Variants in FOXRED2 observed in about 807,000 individuals in gnomAD.
The protein encoded by FOXRED2 is FAD-dependent oxidoreductase domain-containing protein 2.
In FOXRED2, 32 loss-of-function variants were observed where a neutral mutation model predicts 52.5. The ratio of observed to expected loss-of-function variants is 0.61; its 90% CI spans 0.46 to 0.82. FOXRED2 has a LOEUF of 0.82. Among genes scored for constraint, FOXRED2 ranks in the 40% least tolerant of loss-of-function variants. The pLI is 0.00. For synonymous variants in FOXRED2, 405 were observed against 398.1 expected (o/e 1.02, Z -0.21); for missense variants, 848 against 937.5 (o/e 0.90, Z 1.25).
chr22:36,498,495 A>T (rs1244419411), intron 5 of FOXRED2: 1 of 221,984 alleles, frequency 4.5e-6, no homozygotes, highest in Admixed American at 5.1e-5. Context: ...TCTCCAGGCC[A>T]GAGTCCATCT....
Position 36,496,488 on chromosome 22 carries a change from T to C in FOXRED2, c.1383-280A>G, listed in dbSNP as rs550100296. Among the ~76,000 whole-genome samples, 8 of 152,286 alleles carry C rather than the reference T, an allele frequency of 5.3e-5. No homozygotes were observed. The East Asian group carries it at 1.4e-3, about 26-fold the overall frequency. On this transcript the variant is annotated intron_variant, in intron 6 of 8. Transcript: ENST00000397224. ...AAAGCCCTGAGGAGTATGTGAGCAC[T>C]TTGTGTTCAAGGAACAGAAGAGGCC...
At position 36,501,363 on chromosome 22, in the gene FOXRED2, G is replaced by A. The variant is rs199937187; in HGVS notation, c.1094C>T (p.Pro365Leu). Residue 365 changes from proline to leucine, a missense_variant, in exon 5 of 9, where the codon CCG (proline) becomes CTG (leucine). Physicochemically the swap from Pro to Leu is moderately conservative, Grantham distance 98. Transcript: ENST00000397224. ...NSGNAFGKKY[P>L]LIRASYESKG... ...GGATTCGTAGCTAGCTCGAATCAGC[G>A]GGTACTTCTTGCCGAATGCATTTCC... 9.9e-6 allele frequency: 16 copies of A among 1,614,132 alleles called. No individual in the cohort carries two copies. The highest frequency in any genetic ancestry group is 1.6e-4 in the Middle Eastern group (1 of 6,062).
chr22:36,506,169 T>C lies in FOXRED2; in HGVS notation c.254A>G (p.Tyr85Cys). The change falls in exon 2 of 9, where the codon TAC becomes TGC. Residue 85 changes from tyrosine to cysteine, a missense_variant. By Grantham distance (194) the Tyr-to-Cys change is radical. Coordinates refer to ENST00000397224, the MANE Select transcript of FOXRED2 (RefSeq NM_001102371.2). ...GAACTCGGCGTTAGCCTTGCCCGTG[T>C]ACCGCTTGTTGATGCTGATGAGCTT... Reference protein sequence around the residue: ...HRKLISINKRYTGKANAEFNL... With the variant: ...HRKLISINKRCTGKANAEFNL... The C allele has an allele frequency of 6.2e-7, 1 of 1,614,242 alleles. No individual in the cohort carries two copies. The highest frequency in any genetic ancestry group is 8.5e-7 in the Non-Finnish European group (1 of 1,180,032).
At chr22:36,503,562 C>T (rs1934109746) in intron 4 of FOXRED2, among the ~76,000 whole-genome samples, 1 of 151,824 alleles carries the variant, frequency 6.6e-6, no homozygotes, top group South Asian at 2.1e-4. Flanking sequence ...CCACCTGTCT[C>T]GGCCTCCCTA....
intron 8 of FOXRED2, 73 bp from the exon 9 acceptor site, chr22:36,490,340 CAAT>C (rs1933724081): frequency 6.7e-7 from 1 of 1,483,534 alleles, no homozygotes; most frequent in Non-Finnish European, 9.1e-7. Flanking sequence ...GGGGAGCTGC[CAAT>C]GCCAGGTGTG....
rs758542175 is a variant in FOXRED2 at position 36,487,220 on chromosome 22, C to T, written c.*2788G>A. ...TCAGCAAGGCAATTTTACTTCTATA[C>T]AAGAGTGCGTCTCATGGATGGTGCA... On this transcript the variant is annotated 3_prime_UTR_variant, in exon 9 of 9. Coordinates refer to ENST00000397224, the MANE Select transcript of FOXRED2 (RefSeq NM_001102371.2). 4 of 152,220 alleles carry T rather than the reference C, an allele frequency of 2.6e-5. No individual in the cohort carries two copies. The highest frequency in any genetic ancestry group is 7.2e-5 in the African/African-American group (3 of 41,448). 9.4% of individuals were successfully genotyped at this position (152,220 alleles called of 1,614,324 possible). A position where few individuals can be genotyped will look rare whatever the true frequency, so the allele number is the denominator to read the frequency against.
At chr22:36,505,756 G>T in intron 2 of FOXRED2, 140 bp downstream of exon 2, 1 of 937,064 alleles carries the variant, frequency 1.1e-6, no homozygotes, top group Non-Finnish European at 1.6e-6. Context: ...GGGCGACAGA[G>T]TGAGACTCCG....
At chr22:36,490,499 GGAA>G (rs1933728558) in intron 8 of FOXRED2, among the ~76,000 whole-genome samples, 1 of 152,232 alleles carries the variant, frequency 6.6e-6, no homozygotes, top group African/African-American at 2.4e-5. Flanking sequence ...TTGACACTCT[GGAA>G]GAACAAGGCT....
chr22:36,504,809 A>G (rs1283581100), intron 2 of FOXRED2, 43 bp from the exon 3 acceptor site: 4 of 1,601,532 alleles, frequency 2.5e-6, no homozygotes, highest in East Asian at 2.2e-5. Context: ...TCTCTTAGCT[A>G]TAAGACCACT....
Position 36,487,876 on chromosome 22 carries a change from G to C in FOXRED2, c.*2132C>G, listed in dbSNP as rs1479243694. 6.6e-6 allele frequency: 1 copy of C among 152,134 alleles called. No homozygotes were observed. Among genetic ancestry groups the C allele is most frequent in the Non-Finnish European group, 1.5e-5 (1 of 68,064 alleles). 9.4% of individuals were successfully genotyped at this position (152,134 alleles called of 1,614,324 possible). A position where few individuals can be genotyped will look rare whatever the true frequency, so the allele number is the denominator to read the frequency against. On this transcript the variant is annotated 3_prime_UTR_variant, in exon 9 of 9. Transcript: ENST00000397224. Reference sequence around the variant, plus strand: ...GGAGGCCAAGACAGGTGGATCACCTGAGGTCAGGAGTTCGAGACCAGCCTG... The same window carrying C: ...GGAGGCCAAGACAGGTGGATCACCTCAGGTCAGGAGTTCGAGACCAGCCTG...
chr22:36,504,196 G>A lies in FOXRED2; in HGVS notation c.951C>T (p.Thr317=). 1.2e-6 allele frequency: 2 copies of A among 1,614,230 alleles called. No individual in the cohort carries two copies. The highest frequency in any genetic ancestry group is 1.7e-6 in the Non-Finnish European group (2 of 1,180,044). ...AGTTGTCATTGTCGTCCTGGGGGAG[G>A]GTGATGGAGTCGGCACTCTGGTTGG... is the stretch of plus-strand genomic sequence containing the variant. The part of the protein sequence containing the change: ...ANTNQSADSI[T]LPQDDNDNFA... Residue 317 remains threonine, a synonymous_variant, in exon 4 of 9, where the codon ACC becomes ACT. Transcript: ENST00000397224.
Position 36,490,013 on chromosome 22 carries a change from G to A in FOXRED2, c.2050C>T (p.Leu684Phe), listed in dbSNP as rs141987410. The change falls in exon 9 of 9, where the codon CTC (leucine) becomes TTC (phenylalanine). Residue 684 changes from leucine to phenylalanine, a missense_variant. Leu to Phe is a conservative substitution (Grantham distance 22). Transcript: ENST00000397224. ...AQSVDSNKEE[L>F] is the part of the protein sequence containing the mutation. The stretch of plus-strand genomic sequence containing the variant: ...CACAGCTTAGGAAGGGACAGTCAGA[G>A]CTCCTCTTTGTTGCTATCGACGGAC... The A allele has an allele frequency of 5.6e-4, 888 of 1,575,872 alleles. 1 individual carries two copies. Among genetic ancestry groups the A allele is most frequent in the Non-Finnish European group, 7.4e-4 (855 of 1,157,084 alleles).
In FOXRED2 at chr22:36,502,192, C is replaced by CAAACAAACAAACAAAA. The variant is rs60077224; in HGVS notation, c.1050-786_1050-785insTTTTGTTTGTTTGTTT. ...TCAAACAAACAAACAAACAAACAAA[C>CAAACAAACAAACAAAA]AATGAAGTCAGGCCAGGCACAGTGG... On this transcript the variant is annotated intron_variant, in intron 4 of 8. Coordinates refer to ENST00000397224, the MANE Select transcript of FOXRED2 (RefSeq NM_001102371.2). Among the ~76,000 whole-genome samples the CAAACAAACAAACAAAA allele has an allele frequency of 4.5e-4, 67 of 149,032 alleles. 4 individuals carry two copies. Among genetic ancestry groups the CAAACAAACAAACAAAA allele is most frequent in the African/African-American group, 1.6e-3 (64 of 40,336 alleles).
intron 5 of FOXRED2, among the ~76,000 whole-genome samples, chr22:36,499,164 G>A (rs1933980383): frequency 6.6e-6 from 1 of 152,084 alleles, no homozygotes; most frequent in South Asian, 2.1e-4. Flanking sequence ...AAGCTGATCT[G>A]CCAGCCTCAG....
intron 8 of FOXRED2, among the ~76,000 whole-genome samples, chr22:36,492,996 T>C (rs537479874): frequency 1.3e-5 from 2 of 152,340 alleles, no homozygotes; most frequent in East Asian, 1.9e-4. Flanking sequence ...TCTCCTCCTT[T>C]GGAGGGTTTT....
chr22:36,492,114 C>T (rs1218587451), intron 8 of FOXRED2, among the ~76,000 whole-genome samples: 2 of 152,098 alleles, frequency 1.3e-5, no homozygotes, highest in Non-Finnish European at 2.9e-5. Context: ...GCATGGAGGC[C>T]CCTGGGAGGC....
At chr22:36,491,849 T>C (rs559047847) in intron 8 of FOXRED2, among the ~76,000 whole-genome samples, 6 of 152,272 alleles carry the variant, frequency 3.9e-5, no homozygotes, top group Non-Finnish European at 7.4e-5. Context: ...CAAGTACTTA[T>C]AAGACTTTAA....
Position 36,505,914 on chromosome 22 carries a change from C to T in FOXRED2, c.509G>A (p.Gly170Asp). 6.2e-7 allele frequency: 1 copy of T among 1,612,984 alleles called. No individual in the cohort carries two copies. Among genetic ancestry groups the T allele is most frequent in the Non-Finnish European group, 8.5e-7 (1 of 1,178,948 alleles). Reference protein sequence around the residue: ...GHYFILTDQKGQVHQCSVLFV... With the variant: ...GHYFILTDQKDQVHQCSVLFV... The stretch of plus-strand genomic sequence containing the variant: ...GCCTTACCTGCACTGATGCACCTGG[C>T]CCTTCTGGTCAGTTAGGATGAAGTA... Residue 170 changes from glycine to aspartate, a missense_variant, in exon 2 of 9, where the codon GGC (glycine) becomes GAC (aspartate). Transcript: ENST00000397224.
chr22:36,505,280 G>A (rs1187023752), intron 2 of FOXRED2, among the ~76,000 whole-genome samples: 1 of 152,246 alleles, frequency 6.6e-6, no homozygotes, highest in Non-Finnish European at 1.5e-5. Flanking sequence ...CTTTACAGGT[G>A]AGGAGGCACA....
Sources: allele counts gnomAD v4.1 joint callset (sites outside exome capture counted in the v4.1 genomes callset), GRCh38; gene constraint gnomAD v4.1.1; transcripts MANE v1.5; gene names NCBI Gene and HGNC (gene_info 2026-07-23, HGNC 2026-07-21).